NEDD9: variants seen among roughly 807,000 people sequenced by gnomAD.
The protein encoded by NEDD9 is enhancer of filamentation 1.
A neutral mutation model predicts 76.6 loss-of-function variants in NEDD9; 26 were observed. That is an observed-to-expected ratio of 0.34 (90% CI 0.25 to 0.47). The LOEUF is 0.47. Ranked by LOEUF, NEDD9 falls within the 20% of genes least tolerant of loss-of-function variation. The pLI, the probability that NEDD9 is intolerant of heterozygous loss-of-function variation, is 1.00. For synonymous variants in NEDD9, 392 were observed against 414.2 expected (o/e 0.95, Z 0.65); for missense variants, 937 against 1,058.5 (o/e 0.89, Z 1.59).
chr6:11,212,467 A>C (rs923697833), intron 2 of NEDD9, among the ~76,000 whole-genome samples: 1 of 152,302 alleles, frequency 6.6e-6, no homozygotes, highest in Middle Eastern at 3.4e-3. Flanking sequence ...GTTTATCTTT[A>C]ATTAATCACT....
In NEDD9 at chr6:11,241,309, C is replaced by G. The variant is rs1300309813; in HGVS notation, c.13-27582G>C. Among the ~76,000 whole-genome samples, 1 of 152,194 alleles carries G rather than the reference C, an allele frequency of 6.6e-6. No homozygotes were observed. Among genetic ancestry groups the G allele is most frequent in the African/African-American group, 2.4e-5 (1 of 41,454 alleles). On this transcript the variant is annotated intron_variant, in intron 3 of 3. Transcript: ENST00000397378. The surrounding 1 kb of genome is among the most constrained non-coding windows in gnomAD (Gnocchi z 4.0). Reference sequence around the variant, plus strand: ...TATGTTCTTACATTTGAAAAGTCTTCCTGACTTCTCTGGCATACACTTTCT... The same window carrying G: ...TATGTTCTTACATTTGAAAAGTCTTGCTGACTTCTCTGGCATACACTTTCT...
At chr6:11,378,286 C>A (rs1763001420) in intron 1 of NEDD9, among the ~76,000 whole-genome samples, 1 of 151,968 alleles carries the variant, frequency 6.6e-6, no homozygotes, top group South Asian at 2.1e-4. Flanking sequence ...CACCTCCCAG[C>A]TTTCTTGCTC....
intron 1 of NEDD9, among the ~76,000 whole-genome samples, chr6:11,364,444 G>T (rs1569465): frequency 6.6e-6 from 1 of 152,106 alleles, no homozygotes; most frequent in Non-Finnish European, 1.5e-5. Flanking sequence ...GTGGCCTTGG[G>T]AATTCCCCCC....
At chr6:11,274,446 A>T (rs2113347175) in intron 3 of NEDD9, among the ~76,000 whole-genome samples, 1 of 152,292 alleles carries the variant, frequency 6.6e-6, no homozygotes, top group African/African-American at 2.4e-5. Flanking sequence ...CTGTAGATCA[A>T]CCTTGGTTTC....
At position 11,185,191 on chromosome 6, in the gene NEDD9, G is replaced by A. The variant is rs548245377; in HGVS notation, c.2476C>T (p.Arg826Cys). ...DLSRNAQLFK[R>C]SLLEMATF ...AACGTTGCCATCTCCAGCAAAGAGC[G>A]CTTGAACAGCTGGGCATTTCTAGAA... Residue 826 changes from arginine (R) to cysteine (C), a missense_variant, in exon 7 of 7, where the codon CGC (arginine) becomes TGC (cysteine). By Grantham distance (180) the Arg-to-Cys change is radical (BLOSUM62 -3). Transcript: ENST00000379446. 2.9e-5 allele frequency: 46 copies of A among 1,613,354 alleles called. No individual in the cohort carries two copies. The South Asian group carries it at 4.8e-4, about 17-fold the overall frequency.
intron 3 of NEDD9, among the ~76,000 whole-genome samples, chr6:11,271,081 T>C (rs1760296764): frequency 6.6e-6 from 1 of 152,230 alleles, no homozygotes; most frequent in Non-Finnish European, 1.5e-5. Flanking sequence ...TCTTCCAGGC[T>C]GGAATACAGT....
chr6:11,205,864 G>A (rs1314064724), intron 2 of NEDD9, among the ~76,000 whole-genome samples: 1 of 152,130 alleles, frequency 6.6e-6, no homozygotes, highest in African/African-American at 2.4e-5. Context: ...CTGACCTCAG[G>A]TGATCTACCC....
Position 11,359,824 on chromosome 6 carries a change from G to A in NEDD9, c.-214+22315C>T, listed in dbSNP as rs115866292. 1.9e-3 allele frequency among the ~76,000 whole-genome samples: 295 copies of A among 152,320 alleles called. 4 individuals are homozygous for A. The highest frequency in any genetic ancestry group is 6.6e-3 in the African/African-American group (274 of 41,566). On this transcript the variant is annotated intron_variant, in intron 1 of 3. Transcript: ENST00000397378. ...TTCTCCTGTTGAAGGAGTTTAATGT[G>A]TTGGTGTACCATTTTGTTGCCAGAT...
chr6:11,272,278 T>C (rs1054774742), intron 3 of NEDD9, among the ~76,000 whole-genome samples: 3 of 152,218 alleles, frequency 2.0e-5, no homozygotes, highest in Admixed American at 2.0e-4. Flanking sequence ...TCACAAATGG[T>C]AGTTCCTCTT....
intron 3 of NEDD9, among the ~76,000 whole-genome samples, chr6:11,254,677 G>A (rs1759970443): frequency 6.6e-6 from 1 of 152,158 alleles, no homozygotes; most frequent in Admixed American, 6.5e-5. Flanking sequence ...CAGCCATCTG[G>A]AGCAAGAGGA....
At chr6:11,308,403 T>G (rs1420083315) in intron 2 of NEDD9, among the ~76,000 whole-genome samples, 1 of 136,290 alleles carries the variant, frequency 7.3e-6, no homozygotes, top group African/African-American at 2.8e-5. Flanking sequence ...GAAGTCTGGC[T>G]CTGTCACCCA....
intron 1 of NEDD9, among the ~76,000 whole-genome samples, chr6:11,376,625 TG>T (rs1319073271): frequency 6.6e-6 from 1 of 152,098 alleles, no homozygotes; most frequent in Non-Finnish European, 1.5e-5. Context: ...AAATCAGATA[TG>T]GGAGCAAAGA....
intron 1 of NEDD9, among the ~76,000 whole-genome samples, chr6:11,335,638 C>T (rs1388508705): frequency 6.6e-6 from 1 of 152,224 alleles, no homozygotes; most frequent in African/African-American, 2.4e-5. Context: ...GCTTCCACAA[C>T]CAGCAGTGTG....
chr6:11,331,090 A>G (rs1762027541), intron 2 of NEDD9, among the ~76,000 whole-genome samples: 1 of 152,184 alleles, frequency 6.6e-6, no homozygotes, highest in Non-Finnish European at 1.5e-5. Flanking sequence ...AAATCAAACC[A>G]AACCCAAAAT....
chr6:11,290,087 A>C (rs1288640255), intron 3 of NEDD9, among the ~76,000 whole-genome samples: 2 of 151,968 alleles, frequency 1.3e-5, no homozygotes, highest in African/African-American at 2.4e-5. Flanking sequence ...AGTTCTTTCC[A>C]CTCGTATTAC....
chr6:11,275,424 A>C (rs948467376), intron 3 of NEDD9, among the ~76,000 whole-genome samples: 1 of 152,174 alleles, frequency 6.6e-6, no homozygotes, highest in African/African-American at 2.4e-5. Context: ...TAAAAAAATG[A>C]TATATGTCAG....
intron 2 of NEDD9, among the ~76,000 whole-genome samples, 156 bp from the exon 3 acceptor site, chr6:11,193,848 C>A (rs552017173): frequency 1.3e-5 from 2 of 151,860 alleles, no homozygotes; most frequent in African/African-American, 4.8e-5. Flanking sequence ...AAGTAGACAC[C>A]ACGTTAGTAA....
At chr6:11,303,218 A>G (rs1761098619) in intron 3 of NEDD9, among the ~76,000 whole-genome samples, 1 of 152,212 alleles carries the variant, frequency 6.6e-6, no homozygotes. Flanking sequence ...CCTATACACC[A>G]ATAATAGACA....
chr6:11,291,535 A>G (rs1321030361), intron 3 of NEDD9, among the ~76,000 whole-genome samples: 2 of 152,096 alleles, frequency 1.3e-5, no homozygotes, highest in East Asian at 1.9e-4. Context: ...CGGGCTCCCA[A>G]AGTGCTGGGA....
Sources: allele counts gnomAD v4.1 joint callset (sites outside exome capture counted in the v4.1 genomes callset), GRCh38; gene constraint gnomAD v4.1.1; non-coding constraint Gnocchi (gnomAD v3.1); transcripts MANE v1.5; gene names NCBI Gene and HGNC (gene_info 2026-07-23, HGNC 2026-07-21).